Variants in JAK1 observed in about 807,000 individuals in gnomAD.
JAK1 encodes the protein tyrosine-protein kinase JAK1.
A neutral mutation model predicts 136.6 loss-of-function variants in JAK1; 16 were observed. That is an observed-to-expected ratio of 0.12 (90% CI 0.08 to 0.18). JAK1 has a LOEUF of 0.18. Among genes scored for constraint, JAK1 ranks in the 10% least tolerant of loss-of-function variants. The pLI is 1.00. For synonymous variants in JAK1, 492 were observed against 519.5 expected (o/e 0.95, Z 0.72); for missense variants, 859 against 1,450.1 (o/e 0.59, Z 6.62).
At chr1:64,900,188 T>C (rs1465565339) in intron 1 of JAK1, among the ~76,000 whole-genome samples, 3 of 152,188 alleles carry the variant, frequency 2.0e-5, no homozygotes, top group African/African-American at 7.2e-5. Flanking sequence ...GACTAGCAAT[T>C]CAAAGCAATT....
At chr1:65,041,168 C>A (rs961130161) in intron 2 of JAK1, among the ~76,000 whole-genome samples, 1 of 152,138 alleles carries the variant, frequency 6.6e-6, no homozygotes, top group Non-Finnish European at 1.5e-5. Flanking sequence ...GGCTGTCGCA[C>A]GGGTCGGAGC....
At position 64,984,788 on chromosome 1, in the gene JAK1, G is replaced by T; in HGVS notation, c.-78+59692C>A. The T allele has an allele frequency of 9.7e-7, 1 of 1,032,994 alleles. No individual in the cohort carries two copies. Among genetic ancestry groups the T allele is most frequent in the Non-Finnish European group, 1.5e-6 (1 of 683,372 alleles). 64.0% of individuals were successfully genotyped at this position (1,032,994 alleles called of 1,614,324 possible). ...AGATCAAGAAGGTAATGAGGAAGTC[G>T]GTGAAGATAATAAAAACGTAGGCTC... On this transcript the variant is annotated intron_variant, in intron 2 of 25. Coordinates refer to the JAK1 transcript ENST00000671954. This position sits in a 1 kb window ranked among gnomAD's most constrained non-coding sequence, Gnocchi z 4.1.
chr1:65,040,254 GGGCTAAC>G (rs1054656364), intron 2 of JAK1, among the ~76,000 whole-genome samples: 25 of 151,536 alleles, frequency 1.6e-4, no homozygotes, highest in African/African-American at 5.3e-4. Context: ...GGGCCTCAAA[GGGCTAAC>G]ATCAAGGTGC....
intron 1 of JAK1, among the ~76,000 whole-genome samples, chr1:65,059,492 T>G (rs554874344): frequency 6.6e-6 from 1 of 152,238 alleles, no homozygotes; most frequent in South Asian, 2.1e-4. Context: ...TTTTTCACTA[T>G]AGTTTATGTC....
intron 1 of JAK1, among the ~76,000 whole-genome samples, chr1:64,897,532 GGAGGAGGAGGA>G: frequency 3.7e-4 from 1 of 2,722 alleles, no homozygotes; most frequent in African/African-American, 1.4e-3. Flanking sequence ...GGGGGAGGGA[GGAGGAGGAGGA>G]GGAGGAGGAG....
At chr1:65,018,486 G>GAA (rs1466589211) in intron 2 of JAK1, among the ~76,000 whole-genome samples, 33 of 97,348 alleles carry the variant, frequency 3.4e-4, no homozygotes, top group Non-Finnish European at 1.9e-4. Context: ...GAGAGAGAGA[G>GAA]AACACACACA....
chr1:64,985,546 A>G, intron 2 of JAK1: 26 of 1,291,244 alleles, frequency 2.0e-5, no homozygotes, highest in Non-Finnish European at 2.9e-5. Flanking sequence ...AGCACAGGCC[A>G]TAGGTCTTCA....
intron 2 of JAK1, among the ~76,000 whole-genome samples, chr1:65,008,629 CCTTCCCCTTCCCCTTCGCCTTCCT>C (rs1265475826): frequency 2.0e-5 from 3 of 151,792 alleles, no homozygotes; most frequent in Non-Finnish European, 2.9e-5. Flanking sequence ...TTCCCCTTCC[CCTTCCCCTTCCCCTTCGCCTTCCT>C]CTTCCCCTTT....
In JAK1 at chr1:64,845,405, C is replaced by T. The variant is rs528390367; in HGVS notation, c.2115+108G>A. 4.6e-6 allele frequency: 6 copies of T among 1,301,460 alleles called. No individual in the cohort carries two copies. In the African/African-American group the frequency reaches 7.3e-5, roughly 16 times the overall value. 80.6% of individuals were successfully genotyped at this position (1,301,460 alleles called of 1,614,324 possible). On this transcript the variant is annotated intron_variant, in intron 15 of 24. Coordinates refer to ENST00000342505, the MANE Select transcript of JAK1 (RefSeq NM_002227.4). ...ACCACAGAGCCCTGGCCCCATGGAA[C>T]CCAAGGACAGGCCCCTCTAGCTGCT...
At position 64,841,316 on chromosome 1, in the gene JAK1, T is replaced by C. The variant is rs573985377; in HGVS notation, c.2578A>G (p.Lys860Glu). ...GTGGGGTCCACTTCAGTTGCTGGTT[T>C]TTTTTCTGAAACAATATCTGGATCT... Reference protein sequence around the residue: ...EQNPDIVSEKKPATEVDPTHF... With the variant: ...EQNPDIVSEKEPATEVDPTHF... The change falls in exon 19 of 25, where the codon AAA becomes GAA. Residue 860 changes from lysine to glutamate, a missense_variant. Physicochemically the swap from Lys to Glu is moderately conservative, Grantham distance 56. This residue lies in a region of JAK1 where 409 missense variants were observed against 753.8 expected (regional missense o/e 0.54). Coordinates refer to ENST00000342505, the MANE Select transcript of JAK1 (RefSeq NM_002227.4). 1 of 1,614,120 alleles carries C rather than the reference T, an allele frequency of 6.2e-7. No individual in the cohort carries two copies. Among genetic ancestry groups the C allele is most frequent in the South Asian group, 1.1e-5 (1 of 91,080 alleles).
At chr1:64,897,651 A>T (rs896194539) in intron 1 of JAK1, among the ~76,000 whole-genome samples, 4 of 150,632 alleles carry the variant, frequency 2.7e-5, no homozygotes, top group Non-Finnish European at 5.9e-5. Context: ...ACCAAAAAAG[A>T]TGAGGTAAGG....
At chr1:64,856,640 A>G (rs1029282962) in intron 10 of JAK1, among the ~76,000 whole-genome samples, 3 of 152,196 alleles carry the variant, frequency 2.0e-5, no homozygotes, top group Non-Finnish European at 4.4e-5. Context: ...AACTTCCTCC[A>G]ATGACTGATG....
At chr1:65,011,251 G>A (rs1646846386) in intron 2 of JAK1, among the ~76,000 whole-genome samples, 1 of 152,064 alleles carries the variant, frequency 6.6e-6, no homozygotes, top group Middle Eastern at 3.2e-3. Flanking sequence ...CGAGGCGGGA[G>A]GACTGCTTGA....
At position 64,836,093 on chromosome 1, in the gene JAK1, CT is replaced by C; in HGVS notation, c.3258+4del. On this transcript the variant is annotated splice_donor_region_variant and intron_variant, in intron 23 of 24. Coordinates refer to ENST00000342505, the MANE Select transcript of JAK1 (RefSeq NM_002227.4). ...GATTCAAATGAAGAGAAAAGTAGGA[CT>C]TACAGCCATGGGACTAGAATCTGAA... 2 of 1,524,418 alleles carry C rather than the reference CT, an allele frequency of 1.3e-6. No homozygotes were observed. Among genetic ancestry groups the C allele is most frequent in the Non-Finnish European group, 1.8e-6 (2 of 1,098,762 alleles). The allele number at this position is 1,524,418 out of a possible 1,614,324, so 94.4% of individuals were successfully genotyped here. A position where few individuals can be genotyped will look rare whatever the true frequency, so the allele number is the denominator to read the frequency against.
chr1:64,860,413 TGCA>T, intron 8 of JAK1, 151 bp from the exon 9 acceptor site: 1 of 113,612 alleles, frequency 8.8e-6, no homozygotes, highest in African/African-American at 2.9e-4. Context: ...ATATACCCCT[TGCA>T]TGCATTTATT....
intron 1 of JAK1, among the ~76,000 whole-genome samples, chr1:64,951,147 T>C (rs1646079059): frequency 6.6e-6 from 1 of 152,226 alleles, no homozygotes. Context: ...CTGAGAAAAG[T>C]AAACAAAACT....
At chr1:65,049,680 C>G (rs1415023451) in intron 1 of JAK1, among the ~76,000 whole-genome samples, 2 of 152,098 alleles carry the variant, frequency 1.3e-5, no homozygotes, top group African/African-American at 4.8e-5. Context: ...TTGTGGGGCA[C>G]TAGCAAAAAA....
intron 2 of JAK1, among the ~76,000 whole-genome samples, chr1:65,012,016 T>C (rs1414820488): frequency 1.3e-5 from 2 of 152,134 alleles, no homozygotes; most frequent in South Asian, 2.1e-4. Flanking sequence ...AGGGCCCAGT[T>C]TGGGCGCCTG....
intron 2 of JAK1, among the ~76,000 whole-genome samples, chr1:65,012,930 A>G (rs1438989145): frequency 1.3e-5 from 2 of 151,536 alleles, no homozygotes; most frequent in Non-Finnish European, 2.9e-5. Flanking sequence ...CATCTCTACT[A>G]AAAATACAAA....
Sources: gnomAD v4.1 joint callset for allele counts (sites outside exome capture counted in the v4.1 genomes callset) on GRCh38, gnomAD v4.1.1 for gene constraint, gnomAD v4.1.1 regional missense constraint, Gnocchi (gnomAD v3.1) non-coding constraint, MANE v1.5 for transcripts, NCBI Gene and HGNC (gene_info 2026-07-23, HGNC 2026-07-21) for gene names.